The following ATP9A variants were observed in gnomAD, a reference collection of about 807,000 sequenced individuals.
ATP9A encodes the protein ATPase phospholipid transporting 9A.
Under a neutral mutation model 144.1 loss-of-function variants are expected in ATP9A, and 52 were observed. That is an observed-to-expected ratio of 0.36 (90% confidence interval 0.29 to 0.45). The LOEUF is 0.45. Ranked by LOEUF, ATP9A falls within the 20% of genes least tolerant of loss-of-function variation. The pLI is 1.00. For synonymous variants in ATP9A, 582 were observed against 557.4 expected (o/e 1.04, Z -0.62); for missense variants, 947 against 1,392.7 (o/e 0.68, Z 5.09).
intron 13 of ATP9A, among the ~76,000 whole-genome samples, chr20:51,658,610 C>T (rs886770446): frequency 1.3e-5 from 2 of 149,700 alleles, no homozygotes; most frequent in South Asian, 4.2e-4. Flanking sequence ...ATCTCCGCCT[C>T]CTGGGTTCAA....
chr20:51,634,086 G>A (rs2077281048), intron 15 of ATP9A, among the ~76,000 whole-genome samples: 1 of 152,100 alleles, frequency 6.6e-6, no homozygotes, highest in Non-Finnish European at 1.5e-5. Flanking sequence ...TCTAAGCACA[G>A]AGTCCCTGTT....
intron 14 of ATP9A, among the ~76,000 whole-genome samples, chr20:51,654,875 G>A (rs2077380844): frequency 6.6e-6 from 1 of 152,170 alleles, no homozygotes; most frequent in African/African-American, 2.4e-5. Context: ...CCCAAGTGTG[G>A]AGCTGGATCC....
Position 51,690,038 on chromosome 20 carries a change from G to T in ATP9A, c.723+701C>A, listed in dbSNP as rs192326300. Among the ~76,000 whole-genome samples the T allele has an allele frequency of 1.6e-3, 231 of 145,220 alleles. 1 individual carries two copies. The highest frequency in any genetic ancestry group is 2.6e-3 in the Non-Finnish European group (175 of 67,154). ...AAGACAGGAGAATCACTTGAACCCG[G>T]GAGGCAGAGGTTCCAATGAGCCGAG... On this transcript the variant is annotated intron_variant, in intron 8 of 27. Transcript: ENST00000338821.
At chr20:51,655,799 C>A (rs567884195) in intron 14 of ATP9A, among the ~76,000 whole-genome samples, 1 of 151,906 alleles carries the variant, frequency 6.6e-6, no homozygotes, top group African/African-American at 2.4e-5. Flanking sequence ...CCAAGAGAAA[C>A]AGAAATCTAC....
At position 51,671,137 on chromosome 20, in the gene ATP9A, C is replaced by A; in HGVS notation, c.1158G>T (p.Ser386=). 1 of 1,613,958 alleles carries A rather than the reference C, an allele frequency of 6.2e-7. No homozygotes were observed. Among genetic ancestry groups the A allele is most frequent in the Non-Finnish European group, 8.5e-7 (1 of 1,179,900 alleles). ...CACCTGTCTTGTCTGTGAGTAAGTA[C>A]GAAATCCTGCCCAGCTGCTCAGGAA... ...STIPEQLGRI[S]YLLTDKTGTL... The change falls in exon 12 of 28, where the codon TCG becomes TCT. Residue 386 remains serine (S), a synonymous_variant. Coordinates refer to ENST00000338821, the MANE Select transcript of ATP9A (RefSeq NM_006045.3).
Position 51,611,313 on chromosome 20 carries a change from G to A in ATP9A, c.2572-1148C>T, listed in dbSNP as rs1386713510. Among the ~76,000 whole-genome samples the A allele has an allele frequency of 1.3e-5, 2 of 152,188 alleles. No individual in the cohort carries two copies. Among genetic ancestry groups the A allele is most frequent in the Non-Finnish European group, 2.9e-5 (2 of 68,040 alleles). ...AGCCCCAGTTCGCCCTGGCTGCGCC[G>A]GAAAAGCCACTTTTCCAGTGACTTT... On this transcript the variant is annotated intron_variant, in intron 23 of 27. Coordinates refer to ENST00000338821, the MANE Select transcript of ATP9A (RefSeq NM_006045.3). This position sits in a 1 kb window ranked among gnomAD's most constrained non-coding sequence, Gnocchi z 4.2.
chr20:51,678,324 G>A (rs1317951721), intron 9 of ATP9A, among the ~76,000 whole-genome samples: 1 of 152,132 alleles, frequency 6.6e-6, no homozygotes, highest in African/African-American at 2.4e-5. Context: ...CTCACTCTCA[G>A]GAATGCCACT....
rs371478811 is a variant in ATP9A at position 51,674,216 on chromosome 20, G to T, written c.974C>A (p.Ala325Glu). The T allele has an allele frequency of 6.2e-7, 1 of 1,614,080 alleles. No homozygotes were observed. Residue 325 changes from alanine (A) to glutamate (E), a missense_variant, in exon 11 of 28, where the codon GCA (alanine) becomes GAA (glutamate). Ala to Glu is a moderately radical substitution (Grantham distance 107, BLOSUM62 -1). This residue lies in a region of ATP9A where 770 missense variants were observed against 1,047.9 expected (regional missense o/e 0.73). Coordinates refer to ENST00000338821, the MANE Select transcript of ATP9A (RefSeq NM_006045.3). Reference sequence around the variant, plus strand: ...GATGATCTGCAGGTACCAACGGCCTGCAAAGTGCTGAAGGGCAACCATGAC... The same window carrying T: ...GATGATCTGCAGGTACCAACGGCCTTCAAAGTGCTGAAGGGCAACCATGAC... ...SLVMVALQHF[A>E]GRWYLQIIRF...
chr20:51,625,207 C>G lies in ATP9A; in HGVS notation c.2001G>C (p.Arg667Ser), dbSNP rs2077243122. Residue 667 changes from arginine to serine, a missense_variant, in exon 18 of 28, where the codon AGG becomes AGC. Transcript: ENST00000338821. ...ADVRPTLETL[R>S]NAGIKVWMLT... ...CCCGCCCTACCTTGATGCCAGCATT[C>G]CTCAGGGTCTCCAGCGTGGGCCGCA... 1.2e-6 allele frequency: 2 copies of G among 1,612,684 alleles called. No homozygotes were observed. The highest frequency in any genetic ancestry group is 1.7e-6 in the Non-Finnish European group (2 of 1,179,810).
In ATP9A at chr20:51,665,850, A is replaced by AT. The variant is rs1392973277; in HGVS notation, c.1293+4146dup. Among the ~76,000 whole-genome samples the AT allele has an allele frequency of 2.6e-5, 4 of 152,086 alleles. No homozygotes were observed. In the East Asian group the frequency reaches 5.8e-4, roughly 22 times the overall value. Reference sequence around the variant, plus strand: ...TTTCTTACTGTTTACTTGGCCTTGTATTAATAATCTGAAGCTTTCCTGCAG... The same window carrying AT: ...TTTCTTACTGTTTACTTGGCCTTGTATTTAATAATCTGAAGCTTTCCTGCAG... On this transcript the variant is annotated intron_variant, in intron 13 of 27. Coordinates refer to ENST00000338821, the MANE Select transcript of ATP9A (RefSeq NM_006045.3).
At chr20:51,702,698 G>A (rs1340149046) in intron 4 of ATP9A, among the ~76,000 whole-genome samples, 2 of 152,100 alleles carry the variant, frequency 1.3e-5, no homozygotes, top group African/African-American at 2.4e-5. Context: ...ATCGGTAAGG[G>A]TGTGGAAAGG....
rs1457971409 is a variant in ATP9A at position 51,597,668 on chromosome 20, T to C, written c.*3543A>G. The stretch of plus-strand genomic sequence containing the variant: ...CAATTTTGGCAAAGGTTTAAAATGC[T>C]GCCCTAAAGGCACGCACGCATGCCC... On this transcript the variant is annotated 3_prime_UTR_variant, in exon 28 of 28. Transcript: ENST00000338821. 6.6e-6 allele frequency: 1 copy of C among 152,130 alleles called. No individual in the cohort carries two copies. Among genetic ancestry groups the C allele is most frequent in the Non-Finnish European group, 1.5e-5 (1 of 68,028 alleles). The allele number at this position is 152,130 out of a possible 1,614,324, so 9.4% of individuals were successfully genotyped here.
intron 13 of ATP9A, among the ~76,000 whole-genome samples, chr20:51,666,096 G>A (rs986305816): frequency 6.6e-6 from 1 of 152,188 alleles, no homozygotes. Flanking sequence ...AACCTCAATA[G>A]TATTAGTAAG....
chr20:51,677,625 C>A (rs1006549762), intron 9 of ATP9A, among the ~76,000 whole-genome samples: 1 of 152,160 alleles, frequency 6.6e-6, no homozygotes, highest in African/African-American at 2.4e-5. Context: ...GAAACAGATG[C>A]TTCTTTTTAG....
Position 51,768,371 on chromosome 20 carries a change from T to G in ATP9A, c.-2A>C. On this transcript the variant is annotated 5_prime_UTR_variant, in exon 1 of 28. Coordinates refer to ENST00000338821, the MANE Select transcript of ATP9A (RefSeq NM_006045.3). The stretch of plus-strand genomic sequence containing the variant: ...CTGCAGCGGGATGTTGTCCGTCATG[T>G]CGGCGGCGCCGCCCGCCTTGGCCGC... 8.2e-7 allele frequency: 1 copy of G among 1,224,326 alleles called. No individual in the cohort carries two copies. Among genetic ancestry groups the G allele is most frequent in the Non-Finnish European group, 1.0e-6 (1 of 975,336 alleles). The allele number at this position is 1,224,326 out of a possible 1,614,324, so 75.8% of individuals were successfully genotyped here. A position where few individuals can be genotyped will look rare whatever the true frequency, so the allele number is the denominator to read the frequency against.
chr20:51,696,904 T>C (rs962573148), intron 5 of ATP9A, among the ~76,000 whole-genome samples: 1 of 152,158 alleles, frequency 6.6e-6, no homozygotes, highest in Non-Finnish European at 1.5e-5. Flanking sequence ...AAGACATGAG[T>C]GTTTGCTAAA....
At chr20:51,743,395 G>GTTTTTTT (rs1489280599) in intron 1 of ATP9A, among the ~76,000 whole-genome samples, 24 of 43,400 alleles carry the variant, frequency 5.5e-4, no homozygotes, top group South Asian at 1.4e-3. Context: ...GACCGAAACT[G>GTTTTTTT]ATTTTTTTTT....
At chr20:51,666,103 T>C (rs1182825484) in intron 13 of ATP9A, among the ~76,000 whole-genome samples, 1 of 152,148 alleles carries the variant, frequency 6.6e-6, no homozygotes, top group African/African-American at 2.4e-5. Context: ...ATAGTATTAG[T>C]AAGATTTTAA....
At chr20:51,649,691 G>A (rs1295864826) in intron 14 of ATP9A, among the ~76,000 whole-genome samples, 2 of 152,080 alleles carry the variant, frequency 1.3e-5, no homozygotes, top group African/African-American at 2.4e-5. Flanking sequence ...AAGGCGGGCA[G>A]ATCACTTGAG....
Sources: gnomAD v4.1 joint callset for allele counts (sites outside exome capture counted in the v4.1 genomes callset) on GRCh38, gnomAD v4.1.1 for gene constraint, gnomAD v4.1.1 regional missense constraint, Gnocchi (gnomAD v3.1) non-coding constraint, MANE v1.5 for transcripts, NCBI Gene and HGNC (gene_info 2026-07-23, HGNC 2026-07-21) for gene names.